The following SOX5 variants were observed in gnomAD, a reference collection of about 807,000 sequenced individuals.
SOX5 encodes the protein transcription factor SOX-5.
Under a neutral mutation model 92.0 loss-of-function variants are expected in SOX5, and 9 were observed. The observed-to-expected ratio is 0.10, with a 90% CI of 0.06 to 0.17. The LOEUF (loss-of-function observed/expected upper bound fraction) is 0.17, where lower values mean the gene tolerates loss of function less well. Among genes scored for constraint, SOX5 ranks in the 10% least tolerant of loss-of-function variants. The probability of loss-of-function intolerance (pLI) is 1.00; values close to 1 mark genes in which losing one functional copy is unlikely to be tolerated. For missense variants in SOX5, 642 were observed against 944.5 expected (o/e 0.68, Z 4.20); for synonymous variants, 344 against 336.3 (o/e 1.02, Z -0.25).
At chr12:23,854,267 A>C (rs1041153378) in intron 2 of SOX5, among the ~76,000 whole-genome samples, 14 of 152,122 alleles carry the variant, frequency 9.2e-5, no homozygotes. Context: ...ACTGCTTATA[A>C]CTGGAAACTG....
chr12:23,576,097 T>C (rs1332230380), intron 9 of SOX5, among the ~76,000 whole-genome samples: 1 of 152,236 alleles, frequency 6.6e-6, no homozygotes, highest in Non-Finnish European at 1.5e-5. Context: ...TTTTGTAACC[T>C]GTAAGAAATA....
chr12:24,257,540 C>T (rs1475245175), intron 3 of SOX5, among the ~76,000 whole-genome samples: 1 of 152,032 alleles, frequency 6.6e-6, no homozygotes, highest in Non-Finnish European at 1.5e-5. Flanking sequence ...GCAGTCTTGG[C>T]TCACTTCAAC....
At chr12:24,081,712 G>A (rs1943354075) in intron 4 of SOX5, among the ~76,000 whole-genome samples, 1 of 151,948 alleles carries the variant, frequency 6.6e-6, no homozygotes, top group Admixed American at 6.6e-5. Flanking sequence ...CTAAATGGAG[G>A]AGAATAGTGG....
chr12:23,706,991 ATTTT>A lies in SOX5; in HGVS notation c.810+27689_810+27692del, dbSNP rs1327946761. Among the ~76,000 whole-genome samples the A allele has an allele frequency of 2.0e-5, 3 of 152,142 alleles. No individual in the cohort carries two copies. The East Asian group carries it at 5.8e-4, about 29-fold the overall frequency. ...ATATATACATTCTCAAAATACATAT[ATTTT>A]AAGACACTTTAACTCATGGCTTAAG... On this transcript the variant is annotated intron_variant, in intron 6 of 14. Transcript: ENST00000451604.
chr12:23,777,779 A>G (rs1233161941), intron 3 of SOX5, among the ~76,000 whole-genome samples: 1 of 152,188 alleles, frequency 6.6e-6, no homozygotes, highest in African/African-American at 2.4e-5. Flanking sequence ...AAAACATAAA[A>G]TAAAACAAAT....
intron 1 of SOX5, among the ~76,000 whole-genome samples, chr12:24,562,064 C>G (rs1285997921): frequency 2.6e-5 from 4 of 152,256 alleles, no homozygotes; most frequent in Non-Finnish European, 5.9e-5. Context: ...CAGGGTCCCC[C>G]GGCCAGCCGC....
At chr12:24,276,589 T>G (rs889294757) in intron 3 of SOX5, among the ~76,000 whole-genome samples, 1 of 152,184 alleles carries the variant, frequency 6.6e-6, no homozygotes, top group Non-Finnish European at 1.5e-5. Flanking sequence ...ATCAATAAAT[T>G]AGAAAAGGAT....
At chr12:23,670,756 A>T (rs1394792112) in intron 6 of SOX5, among the ~76,000 whole-genome samples, 2 of 152,048 alleles carry the variant, frequency 1.3e-5, no homozygotes, top group African/African-American at 4.8e-5. Flanking sequence ...AAACTGGAAC[A>T]AGGTTCCAGG....
At chr12:24,313,815 A>G (rs78493862) in intron 2 of SOX5, among the ~76,000 whole-genome samples, 10,042 of 152,266 alleles carry the variant, frequency 0.066, 373 homozygotes, top group Non-Finnish European at 0.075. Flanking sequence ...CTTCTGTTCA[A>G]TATTTCTAGC....
At chr12:23,906,986 T>A (rs2097300868) in intron 1 of SOX5, among the ~76,000 whole-genome samples, 1 of 151,906 alleles carries the variant, frequency 6.6e-6, no homozygotes, top group Non-Finnish European at 1.5e-5. Context: ...ATTCTCAATA[T>A]CTCTAATAAG....
intron 6 of SOX5, among the ~76,000 whole-genome samples, chr12:23,708,971 G>A (rs1182872382): frequency 6.6e-6 from 1 of 152,148 alleles, no homozygotes; most frequent in Non-Finnish European, 1.5e-5. Context: ...AGATCATCAT[G>A]AAAACCATTT....
intron 2 of SOX5, among the ~76,000 whole-genome samples, chr12:23,887,604 A>C (rs1046646536): frequency 6.6e-6 from 1 of 152,174 alleles, no homozygotes; most frequent in Non-Finnish European, 1.5e-5. Flanking sequence ...ATCCCAGCCA[A>C]GTATTTCATC....
At position 23,656,439 on chromosome 12, in the gene SOX5, C is replaced by A. The variant is rs556303002; in HGVS notation, c.931+9005G>T. Among the ~76,000 whole-genome samples, 468 of 152,022 alleles carry A rather than the reference C, an allele frequency of 3.1e-3. 2 individuals are homozygous for A. Among genetic ancestry groups the A allele is most frequent in the African/African-American group, 0.01 (425 of 41,502 alleles). Reference sequence around the variant, plus strand: ...TGAAAAATTCATTTGGGGCAATATGCGCATACAAAAATATTCATTGTAGCA... The same window carrying A: ...TGAAAAATTCATTTGGGGCAATATGAGCATACAAAAATATTCATTGTAGCA... On this transcript the variant is annotated intron_variant, in intron 7 of 14. Transcript: ENST00000451604.
intron 6 of SOX5, among the ~76,000 whole-genome samples, chr12:23,712,031 G>T (rs2092102397): frequency 6.6e-6 from 1 of 152,146 alleles, no homozygotes; most frequent in African/African-American, 2.4e-5. Context: ...GGTCATACAG[G>T]TAGTGAGTAG....
intron 8 of SOX5, among the ~76,000 whole-genome samples, chr12:23,639,526 C>A (rs887069886): frequency 6.6e-6 from 1 of 152,210 alleles, no homozygotes; most frequent in Non-Finnish European, 1.5e-5. Context: ...TTACCTATTA[C>A]AATCACTTTT....
chr12:24,222,194 G>C (rs1960630455), intron 3 of SOX5, among the ~76,000 whole-genome samples: 1 of 152,146 alleles, frequency 6.6e-6, no homozygotes, highest in African/African-American at 2.4e-5. Context: ...GCCATTTAGT[G>C]TCTCTAAACT....
intron 1 of SOX5, among the ~76,000 whole-genome samples, chr12:24,419,020 T>A (rs1015308840): frequency 6.6e-6 from 1 of 152,178 alleles, no homozygotes; most frequent in South Asian, 2.1e-4. Flanking sequence ...TCCAAAATTA[T>A]AGCACAACAA....
At chr12:24,525,512 G>A (rs776884094) in intron 1 of SOX5, among the ~76,000 whole-genome samples, 2 of 152,138 alleles carry the variant, frequency 1.3e-5, no homozygotes, top group Non-Finnish European at 2.9e-5. Flanking sequence ...AATGTGTTAA[G>A]AGGGTAGATA....
At chr12:23,618,857 G>A (rs2076860045) in intron 8 of SOX5, among the ~76,000 whole-genome samples, 1 of 152,136 alleles carries the variant, frequency 6.6e-6, no homozygotes, top group Non-Finnish European at 1.5e-5. Flanking sequence ...GTGGGATAGA[G>A]GTGGAATCCC....
Sources: gnomAD v4.1 joint callset for allele counts (sites outside exome capture counted in the v4.1 genomes callset) on GRCh38, gnomAD v4.1.1 for gene constraint, MANE v1.5 for transcripts, NCBI Gene and HGNC (gene_info 2026-07-23, HGNC 2026-07-21) for gene names.